Variants in PHF20 observed in about 807,000 individuals in gnomAD.
PHF20 encodes glioma-expressed antigen 2.
A neutral mutation model predicts 113.5 loss-of-function variants in PHF20; 23 were observed. That is an observed-to-expected ratio of 0.20 (90% confidence interval 0.15 to 0.29). The LOEUF is 0.29. Ranked by LOEUF, PHF20 falls within the 10% of genes least tolerant of loss-of-function variation. The pLI is 1.00. For missense variants in PHF20, 943 were observed against 1,219.6 expected (o/e 0.77, Z 3.38); for synonymous variants, 434 against 457.3 (o/e 0.95, Z 0.65).
chr20:35,796,139 C>T (rs535977670), intron 1 of PHF20, among the ~76,000 whole-genome samples: 6 of 152,164 alleles, frequency 3.9e-5, no homozygotes, highest in East Asian at 3.9e-4. Flanking sequence ...CGTGAGCCAC[C>T]GCACCCAGAC....
At chr20:35,855,294 A>T in intron 4 of PHF20, 2 of 1,308,712 alleles carry the variant, frequency 1.5e-6, no homozygotes, top group South Asian at 1.2e-5. Flanking sequence ...CCTTTGTTGT[A>T]AGTACTCATA....
At chr20:35,904,379 G>A (rs2147066916) in intron 10 of PHF20, among the ~76,000 whole-genome samples, 1 of 150,368 alleles carries the variant, frequency 6.7e-6, no homozygotes, top group South Asian at 2.1e-4. Flanking sequence ...CTGCCTTCGG[G>A]GTTCAAGCAA....
At chr20:35,875,764 A>G (rs1263921837) in intron 9 of PHF20, among the ~76,000 whole-genome samples, 1 of 152,226 alleles carries the variant, frequency 6.6e-6, no homozygotes, top group Non-Finnish European at 1.5e-5. Flanking sequence ...GTGGTATGTT[A>G]GACGTCACTT....
intron 6 of PHF20, among the ~76,000 whole-genome samples, chr20:35,868,087 A>G (rs1234398703): frequency 5.9e-5 from 9 of 152,054 alleles, no homozygotes; most frequent in Admixed American, 5.2e-4. Flanking sequence ...TGAGGTCAGG[A>G]GTTCGAGAAC....
chr20:35,883,110 A>C (rs1167483222), intron 9 of PHF20, among the ~76,000 whole-genome samples: 1 of 151,808 alleles, frequency 6.6e-6, no homozygotes, highest in East Asian at 1.9e-4. Flanking sequence ...GCTACTCGGG[A>C]GGCTGACATG....
At chr20:35,788,697 C>T (rs2041476728) in intron 1 of PHF20, among the ~76,000 whole-genome samples, 1 of 152,194 alleles carries the variant, frequency 6.6e-6, no homozygotes, top group East Asian at 1.9e-4. Flanking sequence ...CCTGCCTCAG[C>T]CTCCTGAGTA....
intron 1 of PHF20, among the ~76,000 whole-genome samples, chr20:35,780,443 G>A (rs2041268408): frequency 6.6e-6 from 1 of 151,298 alleles, no homozygotes; most frequent in South Asian, 2.1e-4. Context: ...AGCCAGGATG[G>A]TCTCGATCTG....
At chr20:35,806,597 C>A (rs1401838646) in intron 2 of PHF20, among the ~76,000 whole-genome samples, 4 of 152,118 alleles carry the variant, frequency 2.6e-5, no homozygotes, top group African/African-American at 9.7e-5. Flanking sequence ...TCCCTATTGA[C>A]CTGCAATACC....
intron 17 of PHF20, among the ~76,000 whole-genome samples, chr20:35,942,840 T>C (rs922909672): frequency 6.6e-6 from 1 of 152,214 alleles, no homozygotes; most frequent in African/African-American, 2.4e-5. Context: ...TCTTTTTTTT[T>C]TGAGATGGAG....
chr20:35,818,384 C>T (rs2042112457), intron 2 of PHF20, among the ~76,000 whole-genome samples: 1 of 152,186 alleles, frequency 6.6e-6, no homozygotes. Context: ...CTTCAGCCTC[C>T]TGAGTAGCTG....
At chr20:35,827,211 C>G (rs2042277233) in intron 2 of PHF20, among the ~76,000 whole-genome samples, 1 of 152,166 alleles carries the variant, frequency 6.6e-6, no homozygotes, top group Admixed American at 6.5e-5. Flanking sequence ...AGGTGATTCT[C>G]CTGCCTCAGC....
At chr20:35,855,323 T>A in intron 4 of PHF20, 1 of 1,106,606 alleles carries the variant, frequency 9.0e-7, no homozygotes, top group Non-Finnish European at 1.2e-6. Flanking sequence ...CTGAGCTGCC[T>A]GTGTAGATAA....
intron 17 of PHF20, among the ~76,000 whole-genome samples, chr20:35,944,335 C>T (rs1371670139): frequency 6.6e-6 from 1 of 152,174 alleles, no homozygotes; most frequent in Non-Finnish European, 1.5e-5. Context: ...TACTGAGTGG[C>T]TTAGACTCTT....
chr20:35,800,816 C>T (rs986631134), intron 1 of PHF20, among the ~76,000 whole-genome samples: 9 of 152,112 alleles, frequency 5.9e-5, no homozygotes, highest in Non-Finnish European at 1.0e-4. Flanking sequence ...CCAAAAGTAG[C>T]ACCAAGTATT....
chr20:35,925,028 A>G (rs1466002978), intron 13 of PHF20, among the ~76,000 whole-genome samples: 1 of 151,908 alleles, frequency 6.6e-6, no homozygotes, highest in Non-Finnish European at 1.5e-5. Context: ...ACCTTTATTT[A>G]CTTCATTTCT....
chr20:35,801,646 A>G (rs953017118), intron 2 of PHF20, 41 bp downstream of exon 2: 3 of 1,403,010 alleles, frequency 2.1e-6, no homozygotes, highest in Non-Finnish European at 3.0e-6. Context: ...CCTTCAGTAA[A>G]GGATTTTTGC....
chr20:35,814,578 A>G (rs2042034045), intron 2 of PHF20, among the ~76,000 whole-genome samples: 1 of 151,116 alleles, frequency 6.6e-6, no homozygotes, highest in Admixed American at 6.6e-5. Context: ...CACTGTCTCA[A>G]AAATAAATAA....
intron 2 of PHF20, among the ~76,000 whole-genome samples, chr20:35,834,558 C>T (rs1452784298): frequency 6.6e-6 from 1 of 151,968 alleles, no homozygotes; most frequent in Non-Finnish European, 1.5e-5. Flanking sequence ...GCCAGCTATG[C>T]TTCTTTTTCT....
chr20:35,899,649 G>T lies in PHF20; in HGVS notation c.1561+1G>T. The T allele has an allele frequency of 6.2e-7, 1 of 1,613,460 alleles. No individual in the cohort carries two copies. The highest frequency in any genetic ancestry group is 8.5e-7 in the Non-Finnish European group (1 of 1,179,726). On this transcript the variant is annotated splice_donor_variant, in intron 10 of 17. Coordinates refer to ENST00000374012, the MANE Select transcript of PHF20 (RefSeq NM_016436.5). LOFTEE classifies it high-confidence loss of function. ...AAGCGGGTCTCTGCCAGTTCCCCAA[G>T]TAAGTATCTTCATTCTTCATTGTGT...
Sources: allele counts gnomAD v4.1 joint callset (sites outside exome capture counted in the v4.1 genomes callset), GRCh38; gene constraint gnomAD v4.1.1; transcripts MANE v1.5; gene names NCBI Gene and HGNC (gene_info 2026-07-23, HGNC 2026-07-21).